The following NKAIN2 variants were observed in gnomAD, a reference collection of about 807,000 sequenced individuals.
NKAIN2 encodes sodium/potassium-transporting ATPase subunit beta-1-interacting protein 2.
NKAIN2 carries 14 observed loss-of-function variants against 32.6 expected under a neutral mutation model. The observed-to-expected ratio is 0.43, with a 90% CI of 0.28 to 0.67. NKAIN2 has a LOEUF of 0.67. Ranked by LOEUF, NKAIN2 falls within the 30% of genes least tolerant of loss-of-function variation. The pLI is 0.17. For missense variants in NKAIN2, 198 were observed against 258.3 expected (o/e 0.77, Z 1.60); for synonymous variants, 80 against 87.2 (o/e 0.92, Z 0.46).
At chr6:124,667,533 T>A (rs1772864224) in intron 4 of NKAIN2, among the ~76,000 whole-genome samples, 1 of 152,100 alleles carries the variant, frequency 6.6e-6, no homozygotes, top group Admixed American at 6.5e-5. Context: ...GAATAAAAGG[T>A]CAGCATCCTT....
At chr6:124,434,522 A>G (rs192076754) in intron 3 of NKAIN2, among the ~76,000 whole-genome samples, 37 of 152,294 alleles carry the variant, frequency 2.4e-4, no homozygotes, top group African/African-American at 8.9e-4. Flanking sequence ...CCAAAAGACA[A>G]CAGTAGGTAT....
At chr6:124,348,561 G>A (rs1034804507) in intron 2 of NKAIN2, among the ~76,000 whole-genome samples, 9 of 152,170 alleles carry the variant, frequency 5.9e-5, no homozygotes, top group East Asian at 3.9e-4. Flanking sequence ...CCCCAGCCTC[G>A]CTGCTGCCTT....
intron 3 of NKAIN2, among the ~76,000 whole-genome samples, chr6:124,507,495 T>C (rs1778532423): frequency 6.6e-6 from 1 of 152,206 alleles, no homozygotes. Context: ...GGTTTAAATA[T>C]ATGCTTTTGG....
chr6:123,916,381 TAGGTGGGATTAA>T (rs1349171802), intron 1 of NKAIN2, among the ~76,000 whole-genome samples: 3 of 152,004 alleles, frequency 2.0e-5, no homozygotes, highest in East Asian at 1.9e-4. Flanking sequence ...GCCTCCCAAG[TAGGTGGGATTAA>T]AGGTGGGATT....
At chr6:124,079,066 A>T (rs774032596) in intron 1 of NKAIN2, among the ~76,000 whole-genome samples, 9 of 152,154 alleles carry the variant, frequency 5.9e-5, no homozygotes, top group African/African-American at 9.7e-5. Context: ...TTATGCCTGT[A>T]ATCCCAGCAC....
chr6:124,426,150 T>C (rs1406818318), intron 3 of NKAIN2, among the ~76,000 whole-genome samples: 6 of 152,168 alleles, frequency 3.9e-5, no homozygotes, highest in Non-Finnish European at 1.5e-5. Flanking sequence ...CCCATCTCAC[T>C]TGCCATTCTT....
chr6:124,597,371 T>C (rs1016725561), intron 3 of NKAIN2, among the ~76,000 whole-genome samples: 3 of 151,368 alleles, frequency 2.0e-5, no homozygotes, highest in Non-Finnish European at 4.4e-5. Context: ...AAAATATTAA[T>C]ATTAATATAC....
chr6:124,703,657 A>G (rs1339153607), intron 4 of NKAIN2, among the ~76,000 whole-genome samples: 1 of 152,042 alleles, frequency 6.6e-6, no homozygotes, highest in Non-Finnish European at 1.5e-5. Flanking sequence ...CACGAGCACA[A>G]GCCTAGTCAT....
At chr6:124,746,737 A>G (rs1777471317) in intron 4 of NKAIN2, among the ~76,000 whole-genome samples, 1 of 151,880 alleles carries the variant, frequency 6.6e-6, no homozygotes, top group Non-Finnish European at 1.5e-5. Flanking sequence ...TGATCACACA[A>G]AGAAATTTTT....
chr6:124,645,484 C>T (rs1389205166), intron 3 of NKAIN2, among the ~76,000 whole-genome samples: 2 of 152,158 alleles, frequency 1.3e-5, no homozygotes, highest in Non-Finnish European at 2.9e-5. Context: ...TGCAGCAAGA[C>T]CACCAGCTCC....
intron 1 of NKAIN2, among the ~76,000 whole-genome samples, chr6:123,880,201 A>G (rs1304168838): frequency 6.6e-6 from 1 of 152,172 alleles, no homozygotes; most frequent in Non-Finnish European, 1.5e-5. Context: ...ATAAAGCAGG[A>G]AAGTAGGGAT....
At chr6:124,518,989 TAAGAAGTAC>T (rs1420582408) in intron 3 of NKAIN2, among the ~76,000 whole-genome samples, 6 of 152,162 alleles carry the variant, frequency 3.9e-5, no homozygotes, top group Admixed American at 3.9e-4. Context: ...CTTTCTGGAA[TAAGAAGTAC>T]AAGAACCAGG....
chr6:124,789,037 C>A (rs1779629300), intron 4 of NKAIN2, among the ~76,000 whole-genome samples: 1 of 151,986 alleles, frequency 6.6e-6, no homozygotes, highest in Non-Finnish European at 1.5e-5. Flanking sequence ...ACTTTTATAT[C>A]AAAGGAGCTC....
intron 3 of NKAIN2, among the ~76,000 whole-genome samples, chr6:124,509,688 C>G (rs1778635641): frequency 6.6e-6 from 1 of 152,208 alleles, no homozygotes; most frequent in South Asian, 2.1e-4. Context: ...AATTAATTTT[C>G]TCACGTCATC....
At chr6:123,913,361 T>A (rs1040277129) in intron 1 of NKAIN2, among the ~76,000 whole-genome samples, 1 of 152,206 alleles carries the variant, frequency 6.6e-6, no homozygotes, top group African/African-American at 2.4e-5. Flanking sequence ...AAGCAAGTAA[T>A]GCTCACCTTC....
chr6:124,386,259 A>G (rs1316919578), intron 3 of NKAIN2, among the ~76,000 whole-genome samples: 1 of 152,146 alleles, frequency 6.6e-6, no homozygotes, highest in Non-Finnish European at 1.5e-5. Flanking sequence ...TTCTGATAAA[A>G]CTTGGCTAAC....
intron 1 of NKAIN2, among the ~76,000 whole-genome samples, chr6:123,878,393 T>TTTTTTTTTTTTTTTTTTTTTG: frequency 6.6e-6 from 1 of 152,218 alleles, no homozygotes; most frequent in African/African-American, 2.4e-5. Context: ...TATTATTTTT[T>TTTTTTTTTTTTTTTTTTTTTG]AAAGATGTCA....
intron 3 of NKAIN2, among the ~76,000 whole-genome samples, chr6:124,586,431 G>A (rs1262015757): frequency 1.3e-5 from 2 of 152,076 alleles, no homozygotes; most frequent in South Asian, 2.1e-4. Context: ...TAGACACTGG[G>A]GCCTACTTGA....
At chr6:124,198,357 C>T (rs186612216) in intron 1 of NKAIN2, among the ~76,000 whole-genome samples, 1 of 151,620 alleles carries the variant, frequency 6.6e-6, no homozygotes, top group East Asian at 2.0e-4. Flanking sequence ...TTGTTTTGGC[C>T]CAGCCACAGT....
Sources: allele counts gnomAD v4.1 joint callset (sites outside exome capture counted in the v4.1 genomes callset), GRCh38; gene constraint gnomAD v4.1.1; transcripts MANE v1.5; gene names NCBI Gene and HGNC (gene_info 2026-07-23, HGNC 2026-07-21).